MEI4: variants seen among roughly 807,000 people sequenced by gnomAD.
MEI4 encodes the protein meiotic double-stranded break formation protein 4, also known as meiosis-specific protein MEI4.
In MEI4, 27 loss-of-function variants were observed where a neutral mutation model predicts 31.4. The ratio of observed to expected loss-of-function variants is 0.86; its 90% CI spans 0.63 to 1.19. The LOEUF is 1.19. Ranked by LOEUF, MEI4 falls within the 50% of genes most tolerant of loss-of-function variation. MEI4 has a pLI of 0.00. For missense variants in MEI4, 329 were observed against 398.9 expected, an observed-to-expected ratio of 0.82 and a Z score of 1.49; for synonymous variants, 122 against 145.4, an observed-to-expected ratio of 0.84 and a Z score of 1.16.
intron 3 of MEI4, among the ~76,000 whole-genome samples, chr6:77,772,297 G>C (rs1768338109): frequency 6.8e-6 from 1 of 147,912 alleles, no homozygotes; most frequent in African/African-American, 2.5e-5. Flanking sequence ...TATCCCTCAT[G>C]AACATTGTTA....
chr6:77,663,417 A>G (rs1171409057), intron 1 of MEI4, among the ~76,000 whole-genome samples: 1 of 152,010 alleles, frequency 6.6e-6, no homozygotes, highest in Non-Finnish European at 1.5e-5. Flanking sequence ...GGGGGATACA[A>G]GAGGAGAATG....
At chr6:77,828,509 C>T (rs72898587) in intron 3 of MEI4, among the ~76,000 whole-genome samples, 23 of 152,112 alleles carry the variant, frequency 1.5e-4, no homozygotes, top group African/African-American at 5.3e-4. Flanking sequence ...ACCCTGCCCC[C>T]CTTCCATGGA....
At chr6:77,708,365 C>G (rs887934289) in intron 2 of MEI4, among the ~76,000 whole-genome samples, 1 of 152,192 alleles carries the variant, frequency 6.6e-6, no homozygotes, top group Non-Finnish European at 1.5e-5. Context: ...AAATGGGAAC[C>G]TGTACCATAC....
intron 2 of MEI4, among the ~76,000 whole-genome samples, chr6:77,746,194 G>T (rs1767597206): frequency 6.6e-6 from 1 of 152,132 alleles, no homozygotes; most frequent in Non-Finnish European, 1.5e-5. Context: ...CCGGTTTTTT[G>T]AAAGGATCAA....
intron 2 of MEI4, among the ~76,000 whole-genome samples, chr6:77,705,694 C>T (rs887090222): frequency 1.1e-4 from 17 of 152,150 alleles, no homozygotes; most frequent in African/African-American, 4.1e-4. Context: ...GTAGCGCCCA[C>T]CCATCACAGG....
rs966986130 is a variant in MEI4, at chr6:77,924,850, G to C, written c.*1504G>C. On this transcript the variant is annotated 3_prime_UTR_variant, in exon 5 of 5. Coordinates refer to ENST00000684080, the MANE Select transcript of MEI4 (RefSeq NM_001322247.2). ...GACAGGGGAGTAGACTTGAGTGGGA[G>C]AACTTGCAGTTACAGGGCAATGAGC... 1.3e-5 allele frequency: 2 copies of C among 151,892 alleles called. No individual in the cohort carries two copies. Among genetic ancestry groups the C allele is most frequent in the Non-Finnish European group, 2.9e-5 (2 of 67,902 alleles). 9.4% of individuals were successfully genotyped at this position (151,892 alleles called of 1,614,324 possible). A position where few individuals can be genotyped will look rare whatever the true frequency, so the allele number is the denominator to read the frequency against.
At chr6:77,793,525 A>T (rs577599172) in intron 3 of MEI4, among the ~76,000 whole-genome samples, 1 of 152,362 alleles carries the variant, frequency 6.6e-6, no homozygotes, top group South Asian at 2.1e-4. Context: ...TGTATAGGTC[A>T]TTTTAACTCT....
intron 1 of MEI4, among the ~76,000 whole-genome samples, chr6:77,673,400 T>C (rs1768783439): frequency 6.6e-6 from 1 of 152,236 alleles, no homozygotes; most frequent in Non-Finnish European, 1.5e-5. Flanking sequence ...ACATATTTCT[T>C]GCTTTATGAA....
intron 3 of MEI4, among the ~76,000 whole-genome samples, chr6:77,822,675 A>C (rs1265728753): frequency 7.1e-6 from 1 of 140,282 alleles, no homozygotes; most frequent in Non-Finnish European, 1.5e-5. Flanking sequence ...GCTAGAGTCC[A>C]GTGGCAGGAT....
intron 3 of MEI4, among the ~76,000 whole-genome samples, chr6:77,799,152 CTGT>C (rs1769171813): frequency 2.6e-5 from 4 of 152,054 alleles, no homozygotes; most frequent in Admixed American, 2.0e-4. Flanking sequence ...TCTCCAGCAC[CTGT>C]TGTTTCCTGA....
At chr6:77,731,040 G>A (rs1438917298) in intron 2 of MEI4, among the ~76,000 whole-genome samples, 1 of 151,846 alleles carries the variant, frequency 6.6e-6, no homozygotes, top group Non-Finnish European at 1.5e-5. Context: ...TTGGACATTT[G>A]GGTTGGTTCC....
At chr6:77,859,563 G>A (rs772030090) in intron 4 of MEI4, among the ~76,000 whole-genome samples, 2 of 152,176 alleles carry the variant, frequency 1.3e-5, no homozygotes, top group South Asian at 2.1e-4. Context: ...GCCATTCTGA[G>A]TGTCATGAGA....
rs569103313 is a variant in MEI4, at chr6:77,814,692, A to G, written c.769-14239A>G. ...TATGTAAAGTGCCAATTTACTGAGA[A>G]CAAGAATAATACATAATTGAATGTT... On this transcript the variant is annotated intron_variant, in intron 3 of 4. Coordinates refer to ENST00000684080, the MANE Select transcript of MEI4 (RefSeq NM_001322247.2). Among the ~76,000 whole-genome samples, 8 of 152,248 alleles carry G rather than the reference A, an allele frequency of 5.3e-5. No individual in the cohort carries two copies. The East Asian group carries it at 1.5e-3, about 29-fold the overall frequency.
intron 2 of MEI4, among the ~76,000 whole-genome samples, chr6:77,746,113 C>A (rs939998015): frequency 6.6e-5 from 10 of 152,078 alleles, no homozygotes; most frequent in Non-Finnish European, 1.2e-4. Flanking sequence ...CAAGGAATAA[C>A]TAAAATCAGA....
At position 77,866,191 on chromosome 6, in the gene MEI4, A is replaced by G. The variant is rs531256265; in HGVS notation, c.900+37129A>G. Among the ~76,000 whole-genome samples, 6 of 152,132 alleles carry G rather than the reference A, an allele frequency of 3.9e-5. No individual in the cohort carries two copies. The East Asian group carries it at 1.2e-3, about 29-fold the overall frequency. ...GCACAAGACAGGGATGCCCTCTCTC[A>G]CCACTCCTATTCAACATAGTGTTGG... On this transcript the variant is annotated intron_variant, in intron 4 of 4. Transcript: ENST00000684080.
intron 4 of MEI4, among the ~76,000 whole-genome samples, chr6:77,838,064 A>G (rs1770265814): frequency 6.6e-6 from 1 of 152,134 alleles, no homozygotes; most frequent in Admixed American, 6.6e-5. Flanking sequence ...GTTAGCTGAT[A>G]TTATTATTAC....
intron 4 of MEI4, among the ~76,000 whole-genome samples, chr6:77,841,596 C>T (rs1450547366): frequency 6.6e-6 from 1 of 151,500 alleles, no homozygotes; most frequent in Non-Finnish European, 1.5e-5. Flanking sequence ...CCCACCTGGG[C>T]CTCCCAAAGT....
chr6:77,851,301 T>C (rs1435498166), intron 4 of MEI4, among the ~76,000 whole-genome samples: 1 of 152,058 alleles, frequency 6.6e-6, no homozygotes, highest in Non-Finnish European at 1.5e-5. Flanking sequence ...ACCCAAAGGA[T>C]TATAAGTCAT....
intron 2 of MEI4, among the ~76,000 whole-genome samples, chr6:77,758,155 C>CAAA (rs58249702): frequency 6.7e-4 from 78 of 115,672 alleles, no homozygotes; most frequent in Middle Eastern, 4.8e-3. Context: ...CTCCATCTCA[C>CAAA]AAAAAAAAAA....
Sources: allele counts gnomAD v4.1 joint callset (sites outside exome capture counted in the v4.1 genomes callset), GRCh38; gene constraint gnomAD v4.1.1; transcripts MANE v1.5; gene names NCBI Gene and HGNC (gene_info 2026-07-23, HGNC 2026-07-21).